The following STARD13 variants were observed in gnomAD, a reference collection of about 807,000 sequenced individuals.
STARD13 encodes stAR-related lipid transfer protein 13.
Under a neutral mutation model 106.4 loss-of-function variants are expected in STARD13, and 62 were observed. That is an observed-to-expected ratio of 0.58 (90% confidence interval 0.48 to 0.72). The LOEUF (loss-of-function observed/expected upper bound fraction) is 0.72. STARD13 is among the 30% of genes least tolerant of loss of function. STARD13 has a pLI of 0.00. For missense variants in STARD13, 1,387 were observed against 1,424.0 expected, an observed-to-expected ratio of 0.97 and a Z score of 0.42; for synonymous variants, 565 against 553.0, an observed-to-expected ratio of 1.02 and a Z score of -0.31.
chr13:33,242,240 T>C (rs1198153715), intron 1 of STARD13, among the ~76,000 whole-genome samples: 1 of 152,128 alleles, frequency 6.6e-6, no homozygotes, highest in East Asian at 1.9e-4. Flanking sequence ...CACCACCCTG[T>C]CTGGGAGGTG....
the STARD13 span, among the ~76,000 whole-genome samples, chr13:33,393,260 A>G: frequency 7.9e-5 from 12 of 152,364 alleles, no homozygotes; most frequent in South Asian, 2.3e-3. Flanking sequence ...AAAGAGAGGC[A>G]GCTCTAGGGG....
At chr13:33,518,999 G>T in the STARD13 span, among the ~76,000 whole-genome samples, 1 of 151,942 alleles carries the variant, frequency 6.6e-6, no homozygotes, top group East Asian at 1.9e-4. Flanking sequence ...AACCTCCTAG[G>T]CCCATCTGAG....
the STARD13 span, among the ~76,000 whole-genome samples, chr13:33,529,268 A>C: frequency 6.6e-6 from 1 of 152,320 alleles, no homozygotes; most frequent in Non-Finnish European, 1.5e-5. Flanking sequence ...ATGCATAGAA[A>C]CTAACGGAAT....
chr13:33,565,309 G>T, the STARD13 span, among the ~76,000 whole-genome samples: 3 of 147,082 alleles, frequency 2.0e-5, no homozygotes, highest in Non-Finnish European at 4.5e-5. Context: ...TTAATCAATT[G>T]TACATTTCTA....
At chr13:33,429,273 T>C in the STARD13 span, among the ~76,000 whole-genome samples, 8 of 151,688 alleles carry the variant, frequency 5.3e-5, no homozygotes, top group Non-Finnish European at 1.2e-4. Context: ...GGAAGCAACC[T>C]AAGTGTCCAT....
chr13:33,627,636 C>CAA, the STARD13 span, among the ~76,000 whole-genome samples: 8 of 110,118 alleles, frequency 7.3e-5, no homozygotes, highest in African/African-American at 1.8e-4. Context: ...GACTCCATCT[C>CAA]AAAAAAAAAA....
chr13:33,519,603 CTG>C, the STARD13 span, among the ~76,000 whole-genome samples: 2 of 151,972 alleles, frequency 1.3e-5, no homozygotes, highest in Non-Finnish European at 2.9e-5. Flanking sequence ...AATCTCATTA[CTG>C]TGATTCCTAT....
In STARD13 at chr13:33,184,804, G is replaced by C. The variant is rs192438345; in HGVS notation, c.170-17182C>G. On this transcript the variant is annotated intron_variant, in intron 1 of 13. Transcript: ENST00000336934. ...ACAGAGCAGGCACTTAAAAATTGGA[G>C]CTATTATTATTAACCGAAATGAATA... Among the ~76,000 whole-genome samples, 10 of 152,302 alleles carry C rather than the reference G, an allele frequency of 6.6e-5. No individual in the cohort carries two copies. In the East Asian group the frequency reaches 1.9e-3, roughly 29 times the overall value.
At chr13:33,498,919 C>T in the STARD13 span, among the ~76,000 whole-genome samples, 1 of 152,160 alleles carries the variant, frequency 6.6e-6, no homozygotes, top group African/African-American at 2.4e-5. Context: ...AGGCAGATCA[C>T]CTGAGGTCAA....
chr13:33,276,214 G>A (rs965816787), intron 1 of STARD13: 2 of 152,188 alleles, frequency 1.3e-5, no homozygotes, highest in African/African-American at 4.8e-5. Flanking sequence ...CTATCTGAAA[G>A]AGACCAATGG....
At chr13:33,189,006 C>A (rs775484602) in intron 1 of STARD13, among the ~76,000 whole-genome samples, 2 of 152,150 alleles carry the variant, frequency 1.3e-5, no homozygotes, top group Non-Finnish European at 2.9e-5. Flanking sequence ...CTTATTAGAG[C>A]AGACATTTAG....
chr13:33,140,296 T>C (rs1406674522), intron 4 of STARD13, among the ~76,000 whole-genome samples: 1 of 152,228 alleles, frequency 6.6e-6, no homozygotes, highest in East Asian at 1.9e-4. Context: ...GGCAGCTGTA[T>C]AGACCAGCCA....
the STARD13 span, among the ~76,000 whole-genome samples, chr13:33,601,224 T>G: frequency 2.6e-5 from 4 of 152,022 alleles, no homozygotes; most frequent in African/African-American, 9.7e-5. Flanking sequence ...GTTTTTTTTT[T>G]TTTCTGCTGT....
the STARD13 span, among the ~76,000 whole-genome samples, chr13:33,441,157 A>G: frequency 6.6e-6 from 1 of 151,992 alleles, no homozygotes; most frequent in Non-Finnish European, 1.5e-5. Flanking sequence ...TCCTCACTAC[A>G]TCCTGCTGAA....
chr13:33,193,665 C>T (rs902712462), intron 1 of STARD13, among the ~76,000 whole-genome samples: 1 of 152,178 alleles, frequency 6.6e-6, no homozygotes, highest in Non-Finnish European at 1.5e-5. Flanking sequence ...CCCACCTTTC[C>T]TCAAAGCCAT....
At chr13:33,431,500 C>T in the STARD13 span, among the ~76,000 whole-genome samples, 45 of 152,202 alleles carry the variant, frequency 3.0e-4, no homozygotes, top group African/African-American at 1.1e-3. Flanking sequence ...TTAGATGGCA[C>T]TGTTGTGGAA....
At chr13:33,195,496 C>G (rs187473633) in intron 1 of STARD13, among the ~76,000 whole-genome samples, 1 of 152,264 alleles carries the variant, frequency 6.6e-6, no homozygotes, top group South Asian at 2.1e-4. Context: ...GTGTGGTGTT[C>G]CAGCCACCTG....
At chr13:33,204,079 C>T (rs539200518) in intron 1 of STARD13, among the ~76,000 whole-genome samples, 29 of 152,330 alleles carry the variant, frequency 1.9e-4, no homozygotes, top group African/African-American at 5.8e-4. Flanking sequence ...ACTGTTACCT[C>T]GGTCCTTGAA....
intron 1 of STARD13, among the ~76,000 whole-genome samples, chr13:33,194,918 C>A (rs1374168161): frequency 6.6e-6 from 1 of 152,202 alleles, no homozygotes; most frequent in Non-Finnish European, 1.5e-5. Flanking sequence ...TATACACATA[C>A]CAATATGTTA....
Sources: gnomAD v4.1 joint callset for allele counts (sites outside exome capture counted in the v4.1 genomes callset) on GRCh38, gnomAD v4.1.1 for gene constraint, MANE v1.5 for transcripts, NCBI Gene and HGNC (gene_info 2026-07-23, HGNC 2026-07-21) for gene names.